The following BOD1L1 variants were observed in gnomAD, a reference collection of about 807,000 sequenced individuals.
BOD1L1 encodes the protein biorientation of chromosomes in cell division protein 1-like 1.
Under a neutral mutation model 240.7 loss-of-function variants are expected in BOD1L1, and 86 were observed. The ratio of observed to expected loss-of-function variants is 0.36; its 90% CI spans 0.30 to 0.43. BOD1L1 has a LOEUF of 0.43. Among genes scored for constraint, BOD1L1 ranks in the 20% least tolerant of loss-of-function variants. The pLI is 1.00. For missense variants in BOD1L1, 3,554 were observed against 3,643.5 expected, an observed-to-expected ratio of 0.98 and a Z score of 0.63; for synonymous variants, 1,268 against 1,272.3, an observed-to-expected ratio of 1.00 and a Z score of 0.07.
intron 11 of BOD1L1, 140 bp from the exon 12 acceptor site, chr4:13,596,084 AATAAAT>A: frequency 1.5e-6 from 1 of 665,998 alleles, no homozygotes; most frequent in East Asian, 2.7e-5. Flanking sequence ...AAAACTTAAA[AATAAAT>A]ACATCAACCT....
rs1198268813 is a variant in BOD1L1 at position 13,613,147 on chromosome 4, G to A, written c.1324+365C>T. 6.6e-5 allele frequency among the ~76,000 whole-genome samples: 10 copies of A among 152,140 alleles called. No individual in the cohort carries two copies. The highest frequency in any genetic ancestry group is 2.4e-4 in the African/African-American group (10 of 41,440). ...ATTATCAAATCTAACGGTGGTCTTA[G>A]GGAACCCGGAACTTGCAACTGGTGC... On this transcript the variant is annotated intron_variant, in intron 5 of 25. Transcript: ENST00000040738. This position sits in a 1 kb window ranked among gnomAD's most constrained non-coding sequence, Gnocchi z 4.0.
intron 19 of BOD1L1, among the ~76,000 whole-genome samples, 182 bp downstream of exon 19, chr4:13,582,054 GA>G (rs964900050): frequency 1.4e-4 from 21 of 152,064 alleles, no homozygotes; most frequent in Non-Finnish European, 7.4e-5. Flanking sequence ...AAGATGAAGA[GA>G]AAAAAATTAA....
chr4:13,580,467 C>T (rs538915386), intron 21 of BOD1L1, among the ~76,000 whole-genome samples: 112 of 152,316 alleles, frequency 7.4e-4, no homozygotes, highest in African/African-American at 2.6e-3. Flanking sequence ...AGTGAACACA[C>T]GTCTGTCCTC....
Position 13,582,228 on chromosome 4 carries a change from A to T in BOD1L1, c.8592+9T>A. ...TTGTGAACAAACAAATACGAAAAGC[A>T]CATCTCACCTCCTGAGATTTTATGG... is the stretch of plus-strand genomic sequence containing the variant. On this transcript the variant is annotated intron_variant, in intron 19 of 25. Transcript: ENST00000040738. 1.2e-6 allele frequency: 2 copies of T among 1,606,516 alleles called. No individual in the cohort carries two copies. Among genetic ancestry groups the T allele is most frequent in the Non-Finnish European group, 1.7e-6 (2 of 1,175,128 alleles).
chr4:13,599,020 C>T lies in BOD1L1; in HGVS notation c.7880G>A (p.Ser2627Asn), dbSNP rs1430840953. ...TTCCTCAGGGAATGATTTCCTTGTGCTGTTATCATCTCCTGTTTTCTCAGC... is the reference window on the plus strand; with the variant it reads ...TTCCTCAGGGAATGATTTCCTTGTGTTGTTATCATCTCCTGTTTTCTCAGC... ...ASAEKTGDDNSTRKSFPEEGD... is the reference protein window; with the variant it reads ...ASAEKTGDDNNTRKSFPEEGD... Residue 2627 changes from serine (S) to asparagine (N), a missense_variant, in exon 10 of 26, where the codon AGC (serine) becomes AAC (asparagine). Ser to Asn is a conservative substitution (Grantham distance 46, BLOSUM62 1). Around this residue, in one of 2 missense-constraint regions of BOD1L1, gnomAD observed 3,393 missense variants for 3,427.1 expected, o/e 0.99. Transcript: ENST00000040738. 2.5e-6 allele frequency: 4 copies of T among 1,613,910 alleles called. No homozygotes were observed. Among genetic ancestry groups the T allele is most frequent in the South Asian group, 1.1e-5 (1 of 91,072 alleles).
At chr4:13,616,594 G>A (rs2108989060) in intron 2 of BOD1L1, among the ~76,000 whole-genome samples, 1 of 152,342 alleles carries the variant, frequency 6.6e-6, no homozygotes, top group East Asian at 1.9e-4. Context: ...GAAGATCAAA[G>A]TGCTCGTCAT....
chr4:13,588,365 T>C (rs1047858008), intron 15 of BOD1L1, among the ~76,000 whole-genome samples: 2 of 152,228 alleles, frequency 1.3e-5, no homozygotes, highest in Admixed American at 6.5e-5. Context: ...AAATTATTTA[T>C]CATTTCACCA....
At chr4:13,588,611 C>T in intron 15 of BOD1L1, 111 bp downstream of exon 15, 1 of 791,466 alleles carries the variant, frequency 1.3e-6, no homozygotes, top group South Asian at 1.9e-5. Context: ...TCAGTATACC[C>T]ATTTAATATT....
At chr4:13,594,767 T>C (rs938153978) in intron 12 of BOD1L1, among the ~76,000 whole-genome samples, 8 of 152,062 alleles carry the variant, frequency 5.3e-5, no homozygotes, top group Non-Finnish European at 1.0e-4. Context: ...TGGTGGTGTG[T>C]GCCTGTAATC....
chr4:13,579,687 T>C (rs1446400724), intron 22 of BOD1L1, among the ~76,000 whole-genome samples: 1 of 152,330 alleles, frequency 6.6e-6, no homozygotes, highest in East Asian at 1.9e-4. Flanking sequence ...TTATCAACAT[T>C]TTGGAATATA....
At chr4:13,577,527 G>C (rs1446510649) in intron 23 of BOD1L1, 40 bp from the exon 24 acceptor site, 1 of 1,602,054 alleles carries the variant, frequency 6.2e-7, no homozygotes, top group East Asian at 2.2e-5. Context: ...GTGGTCAGCT[G>C]AGCATTTAAG....
Position 13,600,495 on chromosome 4 carries a change from A to C in BOD1L1, c.6405T>G (p.Ser2135Arg), listed in dbSNP as rs759752980. 1.7e-5 allele frequency: 27 copies of C among 1,613,616 alleles called. No individual in the cohort carries two copies. In the African/African-American group the frequency reaches 3.3e-4, roughly 20 times the overall value. Residue 2135 changes from serine (S) to arginine (R), a missense_variant, in exon 10 of 26, where the codon AGT (serine) becomes AGG (arginine). Coordinates refer to ENST00000040738, the MANE Select transcript of BOD1L1 (RefSeq NM_148894.3). Reference protein sequence around the residue: ...GDDSQLTASRSEEKDECAMIS... With the variant: ...GDDSQLTASRREEKDECAMIS... ...TCATGGCACACTCATCTTTCTCTTCACTTCTGCTGGCAGTGAGTTGGCTGT... is the reference window on the plus strand; with the variant it reads ...TCATGGCACACTCATCTTTCTCTTCCCTTCTGCTGGCAGTGAGTTGGCTGT...
At chr4:13,591,106 T>C (rs1714171400) in intron 13 of BOD1L1, among the ~76,000 whole-genome samples, 1 of 152,112 alleles carries the variant, frequency 6.6e-6, no homozygotes, top group Non-Finnish European at 1.5e-5. Flanking sequence ...AATTATGCTA[T>C]GTTGCCCAGG....
chr4:13,576,542 C>G (rs528303050), intron 25 of BOD1L1, among the ~76,000 whole-genome samples: 6 of 151,774 alleles, frequency 4.0e-5, no homozygotes, highest in Non-Finnish European at 7.4e-5. Context: ...GTGCTCAATA[C>G]GACATCTGAA....
chr4:13,586,703 T>G (rs372726267), intron 16 of BOD1L1, among the ~76,000 whole-genome samples: 1 of 152,318 alleles, frequency 6.6e-6, no homozygotes, highest in African/African-American at 2.4e-5. Context: ...TATGTTCACA[T>G]GACACCAATG....
At chr4:13,622,676 TAAC>T (rs899939026) in intron 1 of BOD1L1, among the ~76,000 whole-genome samples, 6 of 152,336 alleles carry the variant, frequency 3.9e-5, no homozygotes, top group African/African-American at 1.2e-4. Context: ...GTCTGAATTA[TAAC>T]AACTGGCCTC....
At chr4:13,575,841 T>C (rs554679013) in intron 25 of BOD1L1, among the ~76,000 whole-genome samples, 314 of 151,378 alleles carry the variant, frequency 2.1e-3, no homozygotes, top group Admixed American at 4.1e-3. Flanking sequence ...CAGCAAATAA[T>C]GCTTGTTTAA....
intron 8 of BOD1L1, 93 bp downstream of exon 8, chr4:13,608,437 A>G (rs1715890541): frequency 2.5e-6 from 3 of 1,196,682 alleles, no homozygotes; most frequent in Non-Finnish European, 3.3e-6. Context: ...ATACACAACC[A>G]AAGTACAACT....
chr4:13,583,245 C>T (rs1713380084), intron 17 of BOD1L1, among the ~76,000 whole-genome samples: 1 of 151,810 alleles, frequency 6.6e-6, no homozygotes, highest in South Asian at 2.1e-4. Context: ...CATGAAATGC[C>T]AAAATGTTTC....
Sources: gnomAD v4.1 joint callset for allele counts (sites outside exome capture counted in the v4.1 genomes callset) on GRCh38, gnomAD v4.1.1 for gene constraint, gnomAD v4.1.1 regional missense constraint, Gnocchi (gnomAD v3.1) non-coding constraint, MANE v1.5 for transcripts, NCBI Gene and HGNC (gene_info 2026-07-23, HGNC 2026-07-21) for gene names.